Variants in SLC25A43 observed in about 807,000 individuals in gnomAD.
The protein encoded by SLC25A43 is solute carrier family 25 member 43, also known as solute carrier family 25, member 43.
SLC25A43 carries 10 observed loss-of-function variants against 22.8 expected under a neutral mutation model. That is an observed-to-expected ratio of 0.44 (90% CI 0.27 to 0.74). The LOEUF is 0.74. Among genes scored for constraint, SLC25A43 ranks in the 30% least tolerant of loss-of-function variants. The pLI is 0.17. For synonymous variants in SLC25A43, 106 were observed against 121.6 expected, an observed-to-expected ratio of 0.87 and a Z score of 0.84; for missense variants, 233 against 279.1, an observed-to-expected ratio of 0.83 and a Z score of 1.18.
intron 3 of SLC25A43, among the ~76,000 whole-genome samples, chrX:119,415,439 A>G (rs2052391163): frequency 9.1e-6 from 1 of 110,152 alleles, no homozygotes; most frequent in African/African-American, 3.3e-5. Flanking sequence ...TTGTACCTGT[A>G]ATCCCAGCAC....
intron 3 of SLC25A43, among the ~76,000 whole-genome samples, chrX:119,427,150 A>C (rs1416099825): frequency 9.0e-6 from 1 of 110,668 alleles, no homozygotes; most frequent in Non-Finnish European, 1.9e-5. Flanking sequence ...CAGGCAGCAC[A>C]TGCCAGGCCT....
intron 3 of SLC25A43, among the ~76,000 whole-genome samples, chrX:119,424,169 C>T (rs1280662248): frequency 3.9e-5 from 4 of 103,263 alleles, no homozygotes; most frequent in East Asian, 3.0e-4. Context: ...GCGGAGATCG[C>T]ACTACTGCAC....
Position 119,454,364 on chromosome X carries a change from T to A in SLC25A43, c.*1299T>A, listed in dbSNP as rs1179094264. 8.9e-6 allele frequency: 1 copy of A among 112,581 alleles called. No individual in the cohort carries two copies. The highest frequency in any genetic ancestry group is 9.5e-5 in the Admixed American group (1 of 10,498). The allele number at this position is 112,581 out of a possible 1,213,427, so 9.3% of individuals were successfully genotyped here. On this transcript the variant is annotated 3_prime_UTR_variant, in exon 5 of 5. Coordinates refer to ENST00000217909, the MANE Select transcript of SLC25A43 (RefSeq NM_145305.3). The stretch of plus-strand genomic sequence containing the variant: ...CCTATCTATGCATTTAAAAATGCAT[T>A]AATATCTAACATAAAATTGTTAATT...
intron 3 of SLC25A43, among the ~76,000 whole-genome samples, chrX:119,415,449 C>T (rs2052391287): frequency 9.1e-6 from 1 of 109,640 alleles, no homozygotes; most frequent in African/African-American, 3.3e-5. Context: ...AATCCCAGCA[C>T]TTTGGGAGGC....
chrX:119,407,542 G>A (rs2147255672), intron 2 of SLC25A43, among the ~76,000 whole-genome samples: 1 of 111,480 alleles, frequency 9.0e-6, no homozygotes, highest in Admixed American at 9.6e-5. Context: ...TTTTACAGAT[G>A]AGGAGATAGA....
chrX:119,413,195 A>G (rs748135554), intron 3 of SLC25A43, among the ~76,000 whole-genome samples: 141 of 111,304 alleles, frequency 1.3e-3, no homozygotes, highest in African/African-American at 4.3e-3. Flanking sequence ...GACCACAATG[A>G]AAAAAAAGTA....
At chrX:119,424,781 G>A (rs2052488900) in intron 3 of SLC25A43, among the ~76,000 whole-genome samples, 1 of 113,273 alleles carries the variant, frequency 8.8e-6, no homozygotes. Context: ...CAAGGTCAAG[G>A]CAGATTTGAT....
intron 3 of SLC25A43, among the ~76,000 whole-genome samples, chrX:119,446,045 CGGGAGGCTGAGGCA>C (rs761395922): frequency 9.0e-4 from 94 of 104,023 alleles, no homozygotes; most frequent in African/African-American, 3.3e-3. Flanking sequence ...CCCAGCTACT[CGGGAGGCTGAGGCA>C]GGAGAATTGC....
In SLC25A43 at chrX:119,427,510, C is replaced by A. The variant is rs1027841658; in HGVS notation, c.690+17148C>A. Reference sequence around the variant, plus strand: ...GCTGCAGAGCCCGGGTGCTTCCCAGCTGTACAAGGACAACTATTTGGGTCC... The same window carrying A: ...GCTGCAGAGCCCGGGTGCTTCCCAGATGTACAAGGACAACTATTTGGGTCC... On this transcript the variant is annotated intron_variant, in intron 3 of 4. Coordinates refer to ENST00000217909, the MANE Select transcript of SLC25A43 (RefSeq NM_145305.3). Among the ~76,000 whole-genome samples, 9 of 112,536 alleles carry A rather than the reference C, an allele frequency of 8.0e-5. No individual in the cohort carries two copies. In the Admixed American group the frequency reaches 8.5e-4, roughly 11 times the overall value.
chrX:119,400,269 C>T (rs765955731), intron 1 of SLC25A43, among the ~76,000 whole-genome samples: 1 of 110,712 alleles, frequency 9.0e-6, no homozygotes, highest in East Asian at 2.9e-4. Context: ...AAGCTGAGAA[C>T]GGCCCCCTCA....
intron 1 of SLC25A43, among the ~76,000 whole-genome samples, chrX:119,402,880 A>G (rs2147249638): frequency 9.0e-6 from 1 of 111,187 alleles, no homozygotes; most frequent in South Asian, 3.8e-4. Flanking sequence ...TTATCTCTGT[A>G]TCAGATGGGA....
At chrX:119,417,105 G>C (rs908689277) in intron 3 of SLC25A43, among the ~76,000 whole-genome samples, 1 of 110,798 alleles carries the variant, frequency 9.0e-6, no homozygotes, top group African/African-American at 3.3e-5. Context: ...GAGCCTCAAG[G>C]GGTAGGGCTA....
At chrX:119,410,514 C>T (rs1209972102) in intron 3 of SLC25A43, 152 bp downstream of exon 3, 4 of 581,358 alleles carry the variant, frequency 6.9e-6, no homozygotes, top group South Asian at 3.8e-5. Context: ...CACTCTGTGG[C>T]ATTTCTGCTG....
chrX:119,443,454 T>C (rs1384406528), intron 3 of SLC25A43, among the ~76,000 whole-genome samples: 2 of 93,742 alleles, frequency 2.1e-5, no homozygotes, highest in African/African-American at 9.1e-5. Flanking sequence ...CTCTCTTTTT[T>C]TTTTTTTTTT....
intron 3 of SLC25A43, among the ~76,000 whole-genome samples, chrX:119,449,453 G>T (rs2052690594): frequency 9.5e-6 from 1 of 105,561 alleles, no homozygotes; most frequent in Non-Finnish European, 1.9e-5. Context: ...TTGGAGGCTG[G>T]GTGTAATGGC....
At chrX:119,451,017 G>C (rs1389560364) in intron 3 of SLC25A43, among the ~76,000 whole-genome samples, 1 of 110,628 alleles carries the variant, frequency 9.0e-6, no homozygotes, top group Non-Finnish European at 1.9e-5. Flanking sequence ...ATAAAAATTA[G>C]CCAGGTGTGG....
At chrX:119,410,148 T>C in intron 2 of SLC25A43, 42 bp from the exon 3 acceptor site, 2 of 1,191,840 alleles carry the variant, frequency 1.7e-6, no homozygotes, top group Non-Finnish European at 2.3e-6. Flanking sequence ...AGCCAGTGTT[T>C]TCCCAAGACA....
intron 3 of SLC25A43, among the ~76,000 whole-genome samples, chrX:119,433,697 A>C (rs186660687): frequency 8.9e-6 from 1 of 112,394 alleles, no homozygotes; most frequent in East Asian, 2.8e-4. Context: ...CTTGGCTGCA[A>C]TGTGGAGGAT....
At chrX:119,428,185 T>G in intron 3 of SLC25A43, among the ~76,000 whole-genome samples, 1 of 112,185 alleles carries the variant, frequency 8.9e-6, no homozygotes, top group East Asian at 2.8e-4. Flanking sequence ...CTGGGCACGG[T>G]GGCTCACGCC....
Sources: gnomAD v4.1 joint callset for allele counts (sites outside exome capture counted in the v4.1 genomes callset) on GRCh38, gnomAD v4.1.1 for gene constraint, MANE v1.5 for transcripts, NCBI Gene and HGNC (gene_info 2026-07-23, HGNC 2026-07-21) for gene names.